Variants in CNTN6 observed in about 807,000 individuals in gnomAD.
The protein encoded by CNTN6 is contactin 6, also known as contactin-6.
Under a neutral mutation model 122.8 loss-of-function variants are expected in CNTN6, and 137 were observed. The ratio of observed to expected loss-of-function variants is 1.12; its 90% CI spans 0.97 to 1.29. CNTN6 has a LOEUF of 1.29. Ranked by LOEUF, CNTN6 falls within the 50% of genes most tolerant of loss-of-function variation. The pLI is 0.00. For missense variants in CNTN6, 1,634 were observed against 1,223.4 expected (o/e 1.34, Z -5.01); for synonymous variants, 570 against 426.0 (o/e 1.34, Z -4.16).
In CNTN6 at chr3:1,094,299, C is replaced by T. The variant is rs551065530; in HGVS notation, c.-83+1179C>T. Among the ~76,000 whole-genome samples the T allele has an allele frequency of 1.2e-3, 183 of 152,064 alleles. 1 individual carries two copies. The highest frequency in any genetic ancestry group is 2.9e-3 in the Admixed American group (44 of 15,278). ...TCCTTCACACACATGTGTAAACATACGCATGTTCACAAAACAAACATAAAC... is the reference window on the plus strand; with the variant it reads ...TCCTTCACACACATGTGTAAACATATGCATGTTCACAAAACAAACATAAAC... On this transcript the variant is annotated intron_variant, in intron 1 of 22. Transcript: ENST00000446702.
At chr3:1,333,711 A>G (rs1702647336) in intron 11 of CNTN6, among the ~76,000 whole-genome samples, 1 of 152,126 alleles carries the variant, frequency 6.6e-6, no homozygotes, top group Non-Finnish European at 1.5e-5. Flanking sequence ...AACCTATTCA[A>G]AGTAATCAGA....
At chr3:1,340,391 T>C (rs1363975430) in intron 11 of CNTN6, among the ~76,000 whole-genome samples, 1 of 152,178 alleles carries the variant, frequency 6.6e-6, no homozygotes, top group African/African-American at 2.4e-5. Flanking sequence ...TACTGATAGA[T>C]GGAGTCTTAT....
chr3:1,194,344 A>C (rs1013702333), intron 2 of CNTN6, among the ~76,000 whole-genome samples: 1 of 152,138 alleles, frequency 6.6e-6, no homozygotes, highest in Admixed American at 6.6e-5. Flanking sequence ...TCACTTCAGA[A>C]TCTGATTCTT....
At chr3:1,174,473 C>T (rs189141353) in intron 2 of CNTN6, among the ~76,000 whole-genome samples, 1 of 152,276 alleles carries the variant, frequency 6.6e-6, no homozygotes, top group African/African-American at 2.4e-5. Flanking sequence ...GTTTTCTTAT[C>T]ACAAATGTTC....
intron 1 of CNTN6, among the ~76,000 whole-genome samples, chr3:1,098,490 C>T (rs2124933707): frequency 6.6e-6 from 1 of 151,194 alleles, no homozygotes; most frequent in Non-Finnish European, 1.5e-5. Flanking sequence ...ATAGAGAAAA[C>T]AATAAAATAA....
At chr3:1,199,610 A>T (rs2093831219) in intron 2 of CNTN6, among the ~76,000 whole-genome samples, 1 of 152,222 alleles carries the variant, frequency 6.6e-6, no homozygotes, top group African/African-American at 2.4e-5. Flanking sequence ...TATTGCAATT[A>T]AAAACTTTGT....
At chr3:1,272,765 G>A (rs563724974) in intron 4 of CNTN6, among the ~76,000 whole-genome samples, 93 of 152,264 alleles carry the variant, frequency 6.1e-4, no homozygotes, top group Admixed American at 5.8e-3. Context: ...CAAGTGCATC[G>A]TCTGATTGTG....
chr3:1,213,770 A>C (rs1319317220), intron 2 of CNTN6, among the ~76,000 whole-genome samples: 4 of 151,910 alleles, frequency 2.6e-5, no homozygotes, highest in Non-Finnish European at 5.9e-5. Flanking sequence ...AAACAGAATA[A>C]AACAAAGTAA....
At chr3:1,216,784 C>T (rs919259337) in intron 2 of CNTN6, among the ~76,000 whole-genome samples, 1 of 152,100 alleles carries the variant, frequency 6.6e-6, no homozygotes, top group Non-Finnish European at 1.5e-5. Flanking sequence ...ACTTATTTTA[C>T]CCAATTGCAA....
intron 7 of CNTN6, among the ~76,000 whole-genome samples, chr3:1,300,808 CCT>C (rs1184319004): frequency 7.9e-5 from 12 of 151,732 alleles, no homozygotes; most frequent in Admixed American, 7.9e-4. Flanking sequence ...TCTCTCTCCC[CCT>C]CTCTCTCTTT....
At chr3:1,361,416 T>A (rs1448240888) in intron 12 of CNTN6, among the ~76,000 whole-genome samples, 4 of 152,146 alleles carry the variant, frequency 2.6e-5, no homozygotes, top group Non-Finnish European at 4.4e-5. Context: ...TTGTTCAGCA[T>A]TCCTACTGAT....
intron 5 of CNTN6, among the ~76,000 whole-genome samples, chr3:1,291,208 T>C (rs1695261497): frequency 6.6e-6 from 1 of 152,228 alleles, no homozygotes; most frequent in African/African-American, 2.4e-5. Context: ...GTTGCTGGCA[T>C]GATGAAATAA....
chr3:1,342,119 A>G (rs1703977007), intron 11 of CNTN6, among the ~76,000 whole-genome samples: 1 of 151,294 alleles, frequency 6.6e-6, no homozygotes, highest in African/African-American at 2.4e-5. Context: ...ACTCAGGTCT[A>G]TTTCTTTTGT....
rs13077503 is a variant in CNTN6 at position 1,173,399 on chromosome 3, C to T, written c.55+25336C>T. 178 of 400,686 alleles carry T rather than the reference C, an allele frequency of 4.4e-4. 6 individuals are homozygous for T. Among genetic ancestry groups the T allele is most frequent in the South Asian group, 2.9e-3 (160 of 55,936 alleles). The allele number at this position is 400,686 out of a possible 1,614,324, so 24.8% of individuals were successfully genotyped here. ...GCTCGATATTGAGCTAAGTGCTTTA[C>T]GTGAATTATTTCATTTAATCCTCAG... On this transcript the variant is annotated intron_variant, in intron 2 of 22. Transcript: ENST00000446702.
At chr3:1,147,848 T>TA (rs1176407148) in intron 1 of CNTN6, 79 bp from the exon 2 acceptor site, 5 of 503,838 alleles carry the variant, frequency 9.9e-6, no homozygotes. Context: ...TAAATTGAAT[T>TA]AATATGCAAC....
chr3:1,210,515 A>T (rs2094021869), intron 2 of CNTN6, among the ~76,000 whole-genome samples: 1 of 152,196 alleles, frequency 6.6e-6, no homozygotes, highest in South Asian at 2.1e-4. Context: ...CAGGTTAAAG[A>T]GTATGAGTTT....
intron 2 of CNTN6, among the ~76,000 whole-genome samples, chr3:1,204,010 A>T (rs1229775274): frequency 6.6e-6 from 1 of 152,206 alleles, no homozygotes; most frequent in Non-Finnish European, 1.5e-5. Context: ...GGTGTGTAGC[A>T]GGCTATACTG....
intron 11 of CNTN6, among the ~76,000 whole-genome samples, chr3:1,352,005 A>C (rs1705718511): frequency 6.6e-6 from 1 of 151,940 alleles, no homozygotes; most frequent in Admixed American, 6.6e-5. Context: ...AAATAGTTGC[A>C]TTTCTTATTC....
At chr3:1,368,326 A>G (rs1708518820) in intron 12 of CNTN6, among the ~76,000 whole-genome samples, 1 of 152,226 alleles carries the variant, frequency 6.6e-6, no homozygotes, top group African/African-American at 2.4e-5. Context: ...TTAAAATTAA[A>G]TTCAGGCTTT....
Sources: gnomAD v4.1 joint callset for allele counts (sites outside exome capture counted in the v4.1 genomes callset) on GRCh38, gnomAD v4.1.1 for gene constraint, MANE v1.5 for transcripts, NCBI Gene and HGNC (gene_info 2026-07-23, HGNC 2026-07-21) for gene names.